GRID2: variants seen among roughly 807,000 people sequenced by gnomAD.
GRID2 encodes glutamate ionotropic receptor delta type subunit 2.
A neutral mutation model predicts 114.8 loss-of-function variants in GRID2; 33 were observed. The ratio of observed to expected loss-of-function variants is 0.29; its 90% CI spans 0.22 to 0.38. The LOEUF is 0.38. Ranked by LOEUF, GRID2 falls within the 10% of genes least tolerant of loss-of-function variation. GRID2 has a pLI of 1.00. For synonymous variants in GRID2, 505 were observed against 449.9 expected, an observed-to-expected ratio of 1.12 and a Z score of -1.55; for missense variants, 1,184 against 1,257.7, an observed-to-expected ratio of 0.94 and a Z score of 0.89.
intron 1 of GRID2, among the ~76,000 whole-genome samples, chr4:93,781,391 GGGGCTGCGGTGAGGCCTACT>G (rs1250820117): frequency 2.7e-5 from 4 of 150,358 alleles, no homozygotes; most frequent in Non-Finnish European, 5.9e-5. Context: ...GCTGCGGTGA[GGGGCTGCGGTGAGGCCTACT>G]GGGCTGCGGT....
At chr4:92,702,867 T>C (rs1387405846) in intron 2 of GRID2, among the ~76,000 whole-genome samples, 1 of 152,118 alleles carries the variant, frequency 6.6e-6, no homozygotes, top group Non-Finnish European at 1.5e-5. Context: ...TCTTTTCTAG[T>C]CATCTAAAAT....
At chr4:93,091,592 G>T (rs938082012) in intron 3 of GRID2, among the ~76,000 whole-genome samples, 4 of 152,056 alleles carry the variant, frequency 2.6e-5, no homozygotes, top group Non-Finnish European at 5.9e-5. Context: ...CCAGCAAATT[G>T]GTGTATTTCA....
chr4:93,559,545 G>C lies in GRID2; in HGVS notation c.2193+44134G>C, dbSNP rs532053269. 7.9e-5 allele frequency among the ~76,000 whole-genome samples: 12 copies of C among 152,306 alleles called. No individual in the cohort carries two copies. In the South Asian group the frequency reaches 2.3e-3, roughly 29 times the overall value. ...CACAATGAGATACCATCTCATGCTA[G>C]TTAGAATGGCAATCATTAAAAAGTC... On this transcript the variant is annotated intron_variant, in intron 13 of 15. Coordinates refer to ENST00000282020, the MANE Select transcript of GRID2 (RefSeq NM_001510.4).
At chr4:93,672,328 A>G (rs1242330285) in intron 14 of GRID2, among the ~76,000 whole-genome samples, 4 of 152,230 alleles carry the variant, frequency 2.6e-5, no homozygotes, top group Non-Finnish European at 5.9e-5. Flanking sequence ...CCAAGGGAAT[A>G]GCTGTTTGTG....
chr4:93,229,847 T>C (rs904243634), intron 7 of GRID2, among the ~76,000 whole-genome samples: 8 of 152,132 alleles, frequency 5.3e-5, no homozygotes, highest in African/African-American at 1.9e-4. Flanking sequence ...CTTTATAATA[T>C]ATGAATCGGT....
chr4:93,292,333 C>T (rs1028010227), intron 8 of GRID2, among the ~76,000 whole-genome samples: 19 of 152,210 alleles, frequency 1.2e-4, no homozygotes, highest in Admixed American at 2.6e-4. Flanking sequence ...ACTATGTGCT[C>T]AGCATGCTGC....
At chr4:92,814,429 C>G (rs1203617354) in intron 2 of GRID2, among the ~76,000 whole-genome samples, 6 of 152,080 alleles carry the variant, frequency 3.9e-5, no homozygotes, top group African/African-American at 7.2e-5. Flanking sequence ...CTCTTCATCC[C>G]CTGCAAGGCT....
chr4:92,531,996 A>G lies in GRID2; in HGVS notation c.89-58135A>G, dbSNP rs1048608912. The stretch of plus-strand genomic sequence containing the variant: ...TAGGAACACAGGATTTTATAAAAGT[A>G]TAAAAGATAAGATGTTATCTCTTTC... On this transcript the variant is annotated intron_variant, in intron 1 of 15. Coordinates refer to ENST00000282020, the MANE Select transcript of GRID2 (RefSeq NM_001510.4). Among the ~76,000 whole-genome samples the G allele has an allele frequency of 4.6e-5, 7 of 152,288 alleles. No individual in the cohort carries two copies. In the East Asian group the frequency reaches 5.8e-4, roughly 13 times the overall value.
intron 8 of GRID2, among the ~76,000 whole-genome samples, chr4:93,306,709 G>C (rs955764374): frequency 1.3e-5 from 2 of 152,118 alleles, no homozygotes; most frequent in Non-Finnish European, 2.9e-5. Flanking sequence ...ATTAATTGAT[G>C]CATTTATGTT....
At chr4:92,343,489 G>A (rs927583736) in intron 1 of GRID2, among the ~76,000 whole-genome samples, 1 of 151,970 alleles carries the variant, frequency 6.6e-6, no homozygotes, top group Non-Finnish European at 1.5e-5. Flanking sequence ...ATAGCCTACT[G>A]TAGACTGGAA....
chr4:93,349,569 A>T (rs1236941725), intron 8 of GRID2, among the ~76,000 whole-genome samples: 1 of 152,120 alleles, frequency 6.6e-6, no homozygotes, highest in Non-Finnish European at 1.5e-5. Flanking sequence ...TTTGCACATA[A>T]TAGAAAAGCA....
chr4:93,132,609 C>T (rs7669480), intron 4 of GRID2, among the ~76,000 whole-genome samples: 4 of 152,040 alleles, frequency 2.6e-5, no homozygotes, highest in Non-Finnish European at 4.4e-5. Context: ...TGAACTTCAA[C>T]GTGACATATA....
Position 92,893,930 on chromosome 4 carries a change from A to G in GRID2, c.245-191065A>G, listed in dbSNP as rs1307982859. ...TGATGGTATCATAAATCCAAGTGGA[A>G]AATGGATCCTTCAGTGTCTAGGCCA... is the stretch of plus-strand genomic sequence containing the variant. On this transcript the variant is annotated intron_variant, in intron 2 of 15. Transcript: ENST00000282020. 2.6e-5 allele frequency among the ~76,000 whole-genome samples: 4 copies of G among 152,184 alleles called. No individual in the cohort carries two copies. In the East Asian group the frequency reaches 7.7e-4, roughly 29 times the overall value.
At chr4:93,430,439 C>T in intron 10 of GRID2, among the ~76,000 whole-genome samples, 1 of 152,338 alleles carries the variant, frequency 6.6e-6, no homozygotes, top group East Asian at 1.9e-4. Context: ...CCTCAGCATC[C>T]TAAACTGCTA....
At chr4:92,957,790 A>C (rs565860191) in intron 2 of GRID2, among the ~76,000 whole-genome samples, 11 of 152,212 alleles carry the variant, frequency 7.2e-5, no homozygotes, top group African/African-American at 2.4e-4. Flanking sequence ...CATAAACATA[A>C]AATATTTATC....
At chr4:93,238,583 G>T in intron 8 of GRID2, 93 bp downstream of exon 8, 69 of 994,358 alleles carry the variant, frequency 6.9e-5, no homozygotes, top group East Asian at 9.2e-5. Flanking sequence ...ACCCATTAAA[G>T]TCAATATTGT....
At position 92,843,798 on chromosome 4, in the gene GRID2, TAGTTTA is replaced by T. The variant is rs1326297398; in HGVS notation, c.245-241191_245-241186del. On this transcript the variant is annotated intron_variant, in intron 2 of 15. Transcript: ENST00000282020. ...TTGATACTATACCAAATTCAACAAGTAGTTTAAGTTTTAGTTGCAATGTAGAATCTG... is the reference window on the plus strand; with the variant it reads ...TTGATACTATACCAAATTCAACAAGTAGTTTTAGTTGCAATGTAGAATCTG... Among the ~76,000 whole-genome samples the T allele has an allele frequency of 3.9e-5, 6 of 152,150 alleles. No individual in the cohort carries two copies. In the East Asian group the frequency reaches 7.7e-4, roughly 20 times the overall value.
intron 2 of GRID2, among the ~76,000 whole-genome samples, chr4:92,887,978 G>A (rs1746492326): frequency 6.6e-6 from 1 of 152,044 alleles, no homozygotes; most frequent in Non-Finnish European, 1.5e-5. Flanking sequence ...TTAACACAAA[G>A]AATAATGCAG....
chr4:92,989,703 C>G (rs937848144), intron 2 of GRID2, among the ~76,000 whole-genome samples: 5 of 152,090 alleles, frequency 3.3e-5, no homozygotes, highest in African/African-American at 1.2e-4. Flanking sequence ...CCAATATATG[C>G]ATCTGCTGCA....
Sources: gnomAD v4.1 joint callset for allele counts (sites outside exome capture counted in the v4.1 genomes callset) on GRCh38, gnomAD v4.1.1 for gene constraint, MANE v1.5 for transcripts, NCBI Gene and HGNC (gene_info 2026-07-23, HGNC 2026-07-21) for gene names.